ZSCAN5A: variants seen among roughly 807,000 people sequenced by gnomAD.
The protein encoded by ZSCAN5A is zinc finger and SCAN domain-containing protein 5A.
In ZSCAN5A, 12 loss-of-function variants were observed where a neutral mutation model predicts 23.7. That is an observed-to-expected ratio of 0.51 (90% confidence interval 0.32 to 0.82). The LOEUF is 0.82. Among genes scored for constraint, ZSCAN5A ranks in the 40% least tolerant of loss-of-function variants. The pLI, the probability that ZSCAN5A is intolerant of heterozygous loss-of-function variation, is 0.03. For missense variants in ZSCAN5A, 597 were observed against 617.9 expected (o/e 0.97, Z 0.36); for synonymous variants, 257 against 239.9 (o/e 1.07, Z -0.66).
chr19:56,339,993 T>TA, intron 2 of ZSCAN5A, among the ~76,000 whole-genome samples: 1 of 152,188 alleles, frequency 6.6e-6, no homozygotes. Context: ...GATTGTCTGA[T>TA]ACTACTGTCT....
At chr19:56,251,411 G>A (rs11671868) in intron 2 of ZSCAN5A, among the ~76,000 whole-genome samples, 36,711 of 151,838 alleles carry the variant, frequency 0.24, 5,030 homozygotes, top group Non-Finnish European at 0.31. Flanking sequence ...TGGGAGTTTC[G>A]AAAGAGAATC....
In ZSCAN5A at chr19:56,264,518, T is replaced by TTC. The variant is rs544332062; in HGVS notation, c.-127-39347_-127-39346dup. On this transcript the variant is annotated intron_variant, in intron 2 of 5. Coordinates refer to ENST00000683990, the MANE Select transcript of ZSCAN5A (RefSeq NM_001322064.3). ...CAGATCTGAATCCTGAAGTCAAAGT[T>TTC]TCATTTAGTAGAAATCAAGGTAAGA... Among the ~76,000 whole-genome samples, 103 of 152,322 alleles carry TTC rather than the reference T, an allele frequency of 6.8e-4. 1 individual carries two copies. In the South Asian group the frequency reaches 0.02, roughly 30 times the overall value.
chr19:56,250,388 C>A (rs1323113996), intron 2 of ZSCAN5A, among the ~76,000 whole-genome samples: 1 of 152,218 alleles, frequency 6.6e-6, no homozygotes, highest in African/African-American at 2.4e-5. Context: ...AGAGAAATTT[C>A]TAGCATCTCG....
At chr19:56,355,434 T>G (rs2041695329) in intron 2 of ZSCAN5A, among the ~76,000 whole-genome samples, 1 of 148,842 alleles carries the variant, frequency 6.7e-6, no homozygotes, top group South Asian at 2.1e-4. Flanking sequence ...TACTGTATAC[T>G]CCATGATTTT....
intron 2 of ZSCAN5A, chr19:56,304,790 A>C: frequency 1.0e-6 from 1 of 985,386 alleles, no homozygotes; most frequent in African/African-American, 1.7e-5. Flanking sequence ...TTTTCCTCCC[A>C]AGTGTTACTG....
At chr19:56,236,638 C>G (rs375607091) in intron 2 of ZSCAN5A, among the ~76,000 whole-genome samples, 1 of 52,034 alleles carries the variant, frequency 1.9e-5, no homozygotes, top group East Asian at 6.4e-4. Flanking sequence ...CTCTGATGGA[C>G]GGTGGGCCAA....
At chr19:56,363,918 T>C (rs2041749292) in intron 1 of ZSCAN5A, among the ~76,000 whole-genome samples, 1 of 152,162 alleles carries the variant, frequency 6.6e-6, no homozygotes, top group South Asian at 2.1e-4. Flanking sequence ...AACCTGGCCA[T>C]GTGGTAGAAG....
At chr19:56,270,747 T>C (rs2037786438) in intron 2 of ZSCAN5A, among the ~76,000 whole-genome samples, 1 of 141,578 alleles carries the variant, frequency 7.1e-6, no homozygotes, top group Non-Finnish European at 1.5e-5. Flanking sequence ...TCCCCAAACA[T>C]GGTGGCGGTG....
At chr19:56,281,361 T>G in intron 2 of ZSCAN5A, among the ~76,000 whole-genome samples, 1 of 110,154 alleles carries the variant, frequency 9.1e-6, no homozygotes, top group East Asian at 2.2e-4. Context: ...GGTGTGTGTA[T>G]GTACACATAT....
upstream of ZSCAN5A, among the ~76,000 whole-genome samples, chr19:56,318,609 C>T (rs2041341698): frequency 3.9e-5 from 6 of 152,304 alleles, no homozygotes; most frequent in South Asian, 1.0e-3. Flanking sequence ...CAAGTTATAG[C>T]ATCACTGACT....
chr19:56,240,491 A>T (rs1275207208), intron 2 of ZSCAN5A, among the ~76,000 whole-genome samples: 1 of 152,110 alleles, frequency 6.6e-6, no homozygotes, highest in African/African-American at 2.4e-5. Context: ...CCAGTTGGAG[A>T]GTGCATCCCA....
intron 1 of ZSCAN5A, among the ~76,000 whole-genome samples, chr19:56,366,219 G>A (rs949911407): frequency 1.3e-5 from 2 of 151,918 alleles, no homozygotes; most frequent in East Asian, 1.9e-4. Context: ...CGAGGCGGGC[G>A]GATCACGAGG....
chr19:56,302,516 T>C (rs369396991), intron 2 of ZSCAN5A, among the ~76,000 whole-genome samples: 887 of 70,508 alleles, frequency 0.013, 26 homozygotes, highest in African/African-American at 0.052. Context: ...CTTCTTTCCT[T>C]CCTCCCTCCC....
At chr19:56,301,643 C>T (rs1271664807) in intron 2 of ZSCAN5A, among the ~76,000 whole-genome samples, 2 of 152,190 alleles carry the variant, frequency 1.3e-5, no homozygotes, top group East Asian at 3.9e-4. Flanking sequence ...CTCATTTTAC[C>T]CAGCCCCTAT....
chr19:56,298,611 C>T (rs1314171102), intron 2 of ZSCAN5A, among the ~76,000 whole-genome samples: 3 of 150,966 alleles, frequency 2.0e-5, no homozygotes, highest in African/African-American at 7.3e-5. Flanking sequence ...TGAGATCGTG[C>T]CACTGTACTC....
intron 2 of ZSCAN5A, chr19:56,321,415 C>G (rs1220493617): frequency 1.4e-5 from 9 of 659,426 alleles, no homozygotes; most frequent in East Asian, 2.6e-5. Flanking sequence ...ATCTATTTTG[C>G]ACACAGAGTC....
intron 2 of ZSCAN5A, chr19:56,321,797 TA>T: frequency 8.5e-7 from 1 of 1,180,898 alleles, no homozygotes; most frequent in Non-Finnish European, 1.3e-6. Flanking sequence ...TACCCAGTAG[TA>T]AGGTAACTGC....
At chr19:56,320,442 T>A (rs2041362673) in intron 2 of ZSCAN5A, among the ~76,000 whole-genome samples, 1 of 151,806 alleles carries the variant, frequency 6.6e-6, no homozygotes, top group African/African-American at 2.4e-5. Context: ...AATACAAAAT[T>A]AGCCAGGGTG....
At chr19:56,309,781 C>T (rs895874783) in intron 2 of ZSCAN5A, among the ~76,000 whole-genome samples, 2 of 152,180 alleles carry the variant, frequency 1.3e-5, no homozygotes, top group Non-Finnish European at 2.9e-5. Context: ...GGCCCGGCGC[C>T]GGGACAGTGA....
Sources: allele counts gnomAD v4.1 joint callset (sites outside exome capture counted in the v4.1 genomes callset), GRCh38; gene constraint gnomAD v4.1.1; transcripts MANE v1.5; gene names NCBI Gene and HGNC (gene_info 2026-07-23, HGNC 2026-07-21).